The following PPHLN1 variants were observed in gnomAD, a reference collection of about 807,000 sequenced individuals.
The protein encoded by PPHLN1 is periphilin 1.
Under a neutral mutation model 51.3 loss-of-function variants are expected in PPHLN1, and 29 were observed. The observed-to-expected ratio is 0.57, with a 90% CI of 0.42 to 0.77. PPHLN1 has a LOEUF of 0.77. Among genes scored for constraint, PPHLN1 ranks in the 30% least tolerant of loss-of-function variants. PPHLN1 has a pLI of 0.00. For synonymous variants in PPHLN1, 147 were observed against 147.8 expected (o/e 0.99, Z 0.04); for missense variants, 436 against 438.4 (o/e 0.99, Z 0.05).
intron 9 of PPHLN1, among the ~76,000 whole-genome samples, chr12:42,416,445 A>T (rs186072045): frequency 6.6e-6 from 1 of 152,328 alleles, no homozygotes; most frequent in Admixed American, 6.5e-5. Context: ...TAAAGGGCAC[A>T]GTGTCCAACA....
At chr12:42,349,075 C>T (rs989571671) in intron 2 of PPHLN1, among the ~76,000 whole-genome samples, 3 of 152,082 alleles carry the variant, frequency 2.0e-5, no homozygotes, top group African/African-American at 7.2e-5. Flanking sequence ...GACAAATTTC[C>T]TAGCTATTGA....
chr12:42,356,869 G>A (rs771034206), intron 4 of PPHLN1, among the ~76,000 whole-genome samples: 12 of 152,144 alleles, frequency 7.9e-5, no homozygotes, highest in Admixed American at 2.6e-4. Context: ...TAAATAAGTT[G>A]TAGGAATTAG....
rs762070476 is a variant in PPHLN1, at chr12:42,335,852, T to G, written c.-20-31T>G. The G allele has an allele frequency of 3.7e-6, 5 of 1,356,340 alleles. No individual in the cohort carries two copies. The South Asian group carries it at 7.6e-5, about 21-fold the overall frequency. 84.0% of individuals were successfully genotyped at this position (1,356,340 alleles called of 1,614,324 possible). A position where few individuals can be genotyped will look rare whatever the true frequency, so the allele number is the denominator to read the frequency against. On this transcript the variant is annotated intron_variant, in intron 1 of 9. Transcript: ENST00000358314. ...TTACCTTTTCTGTTACTTCCTAGTA[T>G]AAAATCCATAATTCTTTTTTTTTTC... is the stretch of plus-strand genomic sequence containing the variant.
In PPHLN1 at chr12:42,367,606, G is replaced by C. The variant is rs146627524; in HGVS notation, c.300-7257G>C. On this transcript the variant is annotated intron_variant, in intron 4 of 9. Transcript: ENST00000358314. ...TTGTTATCTTAAATATTAATATTTA[G>C]TGAGGTGATATTTTTCGTCTATCTT... Among the ~76,000 whole-genome samples the C allele has an allele frequency of 4.1e-4, 63 of 152,170 alleles. 1 individual carries two copies. The East Asian group carries it at 0.01, about 25-fold the overall frequency.
chr12:42,427,576 TCATCTCCCACCTTATA>T (rs2081611529), intron 9 of PPHLN1, among the ~76,000 whole-genome samples: 2 of 152,166 alleles, frequency 1.3e-5, no homozygotes, highest in Non-Finnish European at 2.9e-5. Context: ...AACTGGATCC[TCATCTCCCACCTTATA>T]CAAAAATCAA....
At chr12:42,440,371 C>T (rs957226797) in intron 9 of PPHLN1, among the ~76,000 whole-genome samples, 3 of 152,094 alleles carry the variant, frequency 2.0e-5, no homozygotes, top group African/African-American at 7.2e-5. Context: ...ATATTAGTTC[C>T]AGTGGATTTT....
intron 7 of PPHLN1, among the ~76,000 whole-genome samples, chr12:42,387,961 A>G (rs1187795699): frequency 6.6e-6 from 1 of 152,254 alleles, no homozygotes; most frequent in Non-Finnish European, 1.5e-5. Flanking sequence ...ATGCGTGGTA[A>G]AAGTCATCGC....
intron 1 of PPHLN1, among the ~76,000 whole-genome samples, chr12:42,331,305 A>G (rs1285078988): frequency 1.3e-5 from 2 of 152,242 alleles, no homozygotes; most frequent in Non-Finnish European, 2.9e-5. Flanking sequence ...CTAGATTGGA[A>G]TGCAGAGTTA....
downstream of PPHLN1, chr12:42,446,584 A>G (rs1257223587): frequency 6.2e-7 from 1 of 1,613,108 alleles, no homozygotes; most frequent in Admixed American, 1.7e-5. Flanking sequence ...GTTGTTTACT[A>G]ATTCTAGGAT....
chr12:42,337,998 G>T (rs190001645), intron 2 of PPHLN1, among the ~76,000 whole-genome samples: 16 of 151,934 alleles, frequency 1.1e-4, no homozygotes, highest in African/African-American at 3.9e-4. Context: ...TGGCCAGGCC[G>T]GTCTCGAATT....
intron 1 of PPHLN1, among the ~76,000 whole-genome samples, chr12:42,329,110 G>A (rs1421495925): frequency 1.7e-5 from 2 of 119,212 alleles, no homozygotes; most frequent in African/African-American, 7.6e-5. Context: ...TTTTTTTTTT[G>A]TGTGTGTGTG....
chr12:42,444,577 C>T (rs542410591), downstream of PPHLN1: 2 of 154,010 alleles, frequency 1.3e-5, no homozygotes, highest in South Asian at 4.1e-4. Flanking sequence ...AAAACACTAT[C>T]TCCCTATATC....
intron 8 of PPHLN1, chr12:42,398,508 G>T: frequency 5.6e-6 from 1 of 179,342 alleles, no homozygotes; most frequent in Non-Finnish European, 1.2e-5. Context: ...AATAGGCCTA[G>T]AGGCTTTGTC....
At chr12:42,343,810 C>A in intron 2 of PPHLN1, 1 of 405,820 alleles carries the variant, frequency 2.5e-6, no homozygotes, top group African/African-American at 2.1e-5. Context: ...GATGCCTTAG[C>A]TCTCTGGGTC....
intron 3 of PPHLN1, among the ~76,000 whole-genome samples, chr12:42,353,477 G>C (rs1260637494): frequency 6.6e-6 from 1 of 152,192 alleles, no homozygotes; most frequent in African/African-American, 2.4e-5. Context: ...GCATCATAGT[G>C]ACCCCTAACA....
At chr12:42,394,390 C>A (rs539536873) in intron 8 of PPHLN1, among the ~76,000 whole-genome samples, 51 of 152,176 alleles carry the variant, frequency 3.4e-4, no homozygotes, top group African/African-American at 1.2e-3. Context: ...CGTCCCGTGA[C>A]AAATTATTTT....
chr12:42,332,735 G>C, intron 1 of PPHLN1: 2 of 1,289,332 alleles, frequency 1.6e-6, no homozygotes, highest in Non-Finnish European at 2.2e-6. Context: ...TAATATAGTA[G>C]TTATTGTTAC....
At chr12:42,446,144 A>T, downstream of PPHLN1, 1 of 1,590,866 alleles carries the variant, frequency 6.3e-7, no homozygotes, top group Non-Finnish European at 8.6e-7. Context: ...GCTTCGTCGG[A>T]CGACAGGAGC....
At chr12:42,336,817 A>G (rs1237583267) in intron 2 of PPHLN1, among the ~76,000 whole-genome samples, 3 of 152,258 alleles carry the variant, frequency 2.0e-5, no homozygotes, top group Non-Finnish European at 4.4e-5. Flanking sequence ...TGGTGATAGT[A>G]TATGAATATA....
Sources: allele counts gnomAD v4.1 joint callset (sites outside exome capture counted in the v4.1 genomes callset), GRCh38; gene constraint gnomAD v4.1.1; transcripts MANE v1.5; gene names NCBI Gene and HGNC (gene_info 2026-07-23, HGNC 2026-07-21).